Variants in BANK1 observed in about 807,000 individuals in gnomAD.
The protein encoded by BANK1 is B cell scaffold protein with ankyrin repeats 1.
BANK1 carries 95 observed loss-of-function variants against 94.5 expected under a neutral mutation model. The observed-to-expected ratio is 1.00, with a 90% CI of 0.85 to 1.19. The LOEUF is 1.19. Ranked by LOEUF, BANK1 falls within the 50% of genes most tolerant of loss-of-function variation. The pLI is 0.00. For missense variants in BANK1, 987 were observed against 932.2 expected, an observed-to-expected ratio of 1.06 and a Z score of -0.77; for synonymous variants, 334 against 308.4, an observed-to-expected ratio of 1.08 and a Z score of -0.87.
intron 5 of BANK1, among the ~76,000 whole-genome samples, chr4:101,880,315 A>AT (rs1728631915): frequency 6.6e-6 from 1 of 152,188 alleles, no homozygotes; most frequent in Non-Finnish European, 1.5e-5. Flanking sequence ...TGAACAAGAA[A>AT]TAAAAAAAAG....
At chr4:101,819,065 C>T (rs1267254014) in intron 1 of BANK1, among the ~76,000 whole-genome samples, 1 of 151,746 alleles carries the variant, frequency 6.6e-6, no homozygotes, top group African/African-American at 2.4e-5. Context: ...TCACATGGGC[C>T]CACTGGAATC....
At chr4:101,952,400 A>G (rs1432981772) in intron 7 of BANK1, among the ~76,000 whole-genome samples, 2 of 152,148 alleles carry the variant, frequency 1.3e-5, no homozygotes, top group African/African-American at 4.8e-5. Flanking sequence ...TGTTTATCTT[A>G]AGAGTGAAGT....
intron 6 of BANK1, among the ~76,000 whole-genome samples, chr4:101,912,595 GATTAAATT>G (rs1357026195): frequency 2.0e-5 from 3 of 147,560 alleles, no homozygotes; most frequent in African/African-American, 4.9e-5. Flanking sequence ...TGAATATATA[GATTAAATT>G]ATTAAATATA....
chr4:101,825,183 C>T (rs74813713), intron 1 of BANK1, among the ~76,000 whole-genome samples: 6 of 151,964 alleles, frequency 3.9e-5, no homozygotes, highest in Non-Finnish European at 8.8e-5. Flanking sequence ...TATTATGATG[C>T]AACTTTCCAG....
At chr4:101,882,438 A>G (rs1231606177) in intron 5 of BANK1, among the ~76,000 whole-genome samples, 1 of 152,172 alleles carries the variant, frequency 6.6e-6, no homozygotes, top group African/African-American at 2.4e-5. Context: ...ATGTTAATAC[A>G]TTTCTTTACT....
chr4:101,859,507 C>T (rs1289996433), intron 3 of BANK1, among the ~76,000 whole-genome samples: 2 of 152,178 alleles, frequency 1.3e-5, no homozygotes. Flanking sequence ...CCTGAATGCT[C>T]TGACCTAAAT....
chr4:101,920,245 T>C (rs1000208021), intron 7 of BANK1, among the ~76,000 whole-genome samples: 1 of 151,840 alleles, frequency 6.6e-6, no homozygotes, highest in Non-Finnish European at 1.5e-5. Flanking sequence ...GGGGCAGAGA[T>C]AGCATTAGGA....
chr4:102,023,895 C>T (rs2148947710), intron 8 of BANK1, among the ~76,000 whole-genome samples: 1 of 152,266 alleles, frequency 6.6e-6, no homozygotes, highest in South Asian at 2.1e-4. Flanking sequence ...TCATCTACTC[C>T]ATCAGCATTT....
At chr4:101,862,460 T>C in intron 3 of BANK1, 66 bp from the exon 4 acceptor site, 1 of 1,340,092 alleles carries the variant, frequency 7.5e-7, no homozygotes, top group Non-Finnish European at 1.0e-6. Context: ...TAAAGAAATG[T>C]AATGGGTTCT....
chr4:101,839,322 T>C (rs1438287482), intron 2 of BANK1, among the ~76,000 whole-genome samples: 1 of 152,204 alleles, frequency 6.6e-6, no homozygotes, highest in Non-Finnish European at 1.5e-5. Context: ...TTTATGGTTG[T>C]ACTCTTTACT....
At chr4:102,003,786 A>T (rs1726154123) in intron 7 of BANK1, among the ~76,000 whole-genome samples, 2 of 152,094 alleles carry the variant, frequency 1.3e-5, no homozygotes, top group African/African-American at 4.8e-5. Context: ...ACACACAGAT[A>T]TAAATATGTA....
chr4:101,829,229 C>G (rs1726508741), intron 1 of BANK1, among the ~76,000 whole-genome samples: 1 of 152,018 alleles, frequency 6.6e-6, no homozygotes, highest in Non-Finnish European at 1.5e-5. Context: ...GAGCTGGTTC[C>G]TTTATCTTTC....
Position 102,072,229 on chromosome 4 carries a change from T to C in BANK1, c.2243-116T>C, listed in dbSNP as rs1001686830. On this transcript the variant is annotated intron_variant, in intron 14 of 16. Transcript: ENST00000322953. ...TATCCCCCTTTTATCTTCCTAATAA[T>C]TTTTCTTTTCACCCATATCTTACCT... 5.8e-5 allele frequency: 49 copies of C among 852,014 alleles called. No individual in the cohort carries two copies. In the Middle Eastern group the frequency reaches 9.4e-4, roughly 16 times the overall value. The allele number at this position is 852,014 out of a possible 1,614,324, so 52.8% of individuals were successfully genotyped here. A position where few individuals can be genotyped will look rare whatever the true frequency, so the allele number is the denominator to read the frequency against.
intron 8 of BANK1, among the ~76,000 whole-genome samples, chr4:102,022,546 GCTTGGCAAT>G (rs1726948943): frequency 6.6e-6 from 1 of 152,072 alleles, no homozygotes; most frequent in Admixed American, 6.6e-5. Flanking sequence ...TACATTGCAA[GCTTGGCAAT>G]GAACGGAAAT....
intron 7 of BANK1, among the ~76,000 whole-genome samples, chr4:101,971,468 T>G (rs1724949790): frequency 6.6e-6 from 1 of 152,118 alleles, no homozygotes; most frequent in South Asian, 2.1e-4. Context: ...TCTCCACACT[T>G]AATTATTTCC....
chr4:101,898,224 A>T (rs905522199), intron 6 of BANK1, among the ~76,000 whole-genome samples: 20 of 152,116 alleles, frequency 1.3e-4, no homozygotes, highest in African/African-American at 4.8e-4. Context: ...TGCCTCCTTG[A>T]TCCAATAGTC....
rs1174820789 is a variant in BANK1 at position 102,007,063 on chromosome 4, TA to T, written c.1207-14449del. Among the ~76,000 whole-genome samples the T allele has an allele frequency of 4.1e-3, 459 of 110,890 alleles. 12 individuals carry two copies. The highest frequency in any genetic ancestry group is 5.7e-3 in the African/African-American group (175 of 30,830). 72.7% of individuals were successfully genotyped at this position (110,890 alleles called of 152,430 possible). Reference sequence around the variant, plus strand: ...TAAATATATATATATATAAAATATATAATTTTATATATATATAAATATATAT... The same window carrying T: ...TAAATATATATATATATAAAATATATATTTTATATATATATAAATATATAT... On this transcript the variant is annotated intron_variant, in intron 7 of 16. Coordinates refer to ENST00000322953, the MANE Select transcript of BANK1 (RefSeq NM_017935.5).
intron 5 of BANK1, among the ~76,000 whole-genome samples, chr4:101,889,907 G>A (rs187263991): frequency 6.9e-4 from 105 of 152,168 alleles, no homozygotes; most frequent in African/African-American, 2.3e-3. Flanking sequence ...TCTGTTCAGA[G>A]TTTCCTTTTG....
chr4:102,013,896 T>C (rs1195729728), intron 7 of BANK1, among the ~76,000 whole-genome samples: 2 of 152,100 alleles, frequency 1.3e-5, no homozygotes, highest in African/African-American at 4.8e-5. Flanking sequence ...ATAGAGATAA[T>C]TTTCGAGTGT....
Sources: gnomAD v4.1 joint callset for allele counts (sites outside exome capture counted in the v4.1 genomes callset) on GRCh38, gnomAD v4.1.1 for gene constraint, MANE v1.5 for transcripts, NCBI Gene and HGNC (gene_info 2026-07-23, HGNC 2026-07-21) for gene names.